CTNNA3: variants seen among roughly 807,000 people sequenced by gnomAD.
The protein encoded by CTNNA3 is catenin alpha-3.
Under a neutral mutation model 95.7 loss-of-function variants are expected in CTNNA3, and 76 were observed. The observed-to-expected ratio is 0.79, with a 90% confidence interval of 0.66 to 0.96. CTNNA3 has a LOEUF of 0.96. CTNNA3 is among the 40% of genes least tolerant of loss of function. The pLI is 0.00. For missense variants in CTNNA3, 1,191 were observed against 1,089.8 expected (o/e 1.09, Z -1.31); for synonymous variants, 431 against 374.4 (o/e 1.15, Z -1.74).
At chr10:66,584,323 T>C (rs972244735) in intron 10 of CTNNA3, among the ~76,000 whole-genome samples, 5 of 151,962 alleles carry the variant, frequency 3.3e-5, no homozygotes, top group Non-Finnish European at 7.4e-5. Context: ...TTTTCTTTTT[T>C]AGACCTGGTA....
intron 3 of CTNNA3, among the ~76,000 whole-genome samples, chr10:67,601,692 T>G (rs1843088731): frequency 6.6e-6 from 1 of 152,196 alleles, no homozygotes; most frequent in South Asian, 2.1e-4. Flanking sequence ...TATACGAATA[T>G]TCTAAAACTA....
intron 7 of CTNNA3, among the ~76,000 whole-genome samples, chr10:67,017,129 G>A (rs1172264624): frequency 6.6e-6 from 1 of 152,138 alleles, no homozygotes; most frequent in Non-Finnish European, 1.5e-5. Context: ...AACAATAACT[G>A]AGCAAACAAT....
chr10:66,687,192 T>C (rs1179220489), intron 9 of CTNNA3, among the ~76,000 whole-genome samples: 1 of 151,872 alleles, frequency 6.6e-6, no homozygotes, highest in Non-Finnish European at 1.5e-5. Flanking sequence ...TATAATAATA[T>C]GGCAAAAAGA....
chr10:66,822,437 T>C (rs1842336970), intron 7 of CTNNA3, among the ~76,000 whole-genome samples: 1 of 152,156 alleles, frequency 6.6e-6, no homozygotes, highest in Non-Finnish European at 1.5e-5. Context: ...TTCTGGATAC[T>C]TTCAGAGGAA....
At chr10:66,482,385 G>A (rs1839567990) in intron 11 of CTNNA3, among the ~76,000 whole-genome samples, 6 of 151,790 alleles carry the variant, frequency 4.0e-5, no homozygotes. Flanking sequence ...GCATTTTACT[G>A]AGGCTTTAAA....
chr10:66,815,851 C>T (rs1402139723), intron 7 of CTNNA3, among the ~76,000 whole-genome samples: 1 of 152,054 alleles, frequency 6.6e-6, no homozygotes, highest in Non-Finnish European at 1.5e-5. Flanking sequence ...TACCAAGGGG[C>T]AATTTCCAGG....
chr10:66,387,669 A>G (rs777491494), intron 11 of CTNNA3, among the ~76,000 whole-genome samples: 23 of 152,214 alleles, frequency 1.5e-4, no homozygotes, highest in Non-Finnish European at 3.1e-4. Flanking sequence ...TGCACTATTC[A>G]CAATAGCAAA....
chr10:66,548,816 T>A (rs1393337255), intron 10 of CTNNA3, among the ~76,000 whole-genome samples: 1 of 152,022 alleles, frequency 6.6e-6, no homozygotes, highest in African/African-American at 2.4e-5. Context: ...TTCTAGTTGG[T>A]CATAACATAT....
At chr10:66,267,852 T>A (rs555107488) in intron 13 of CTNNA3, among the ~76,000 whole-genome samples, 1 of 152,240 alleles carries the variant, frequency 6.6e-6, no homozygotes, top group African/African-American at 2.4e-5. Flanking sequence ...ATATCTTAAA[T>A]TGGCAGCAGC....
chr10:67,597,692 C>G (rs561887556), intron 3 of CTNNA3, among the ~76,000 whole-genome samples: 103 of 152,286 alleles, frequency 6.8e-4, no homozygotes, highest in African/African-American at 2.1e-3. Context: ...AGCCCTTCAT[C>G]AGGGTGGTGT....
chr10:67,615,123 A>G (rs890408480), intron 2 of CTNNA3, among the ~76,000 whole-genome samples: 2 of 152,252 alleles, frequency 1.3e-5, no homozygotes, highest in African/African-American at 4.8e-5. Context: ...AATCCATAAC[A>G]ATCTTTACCA....
intron 7 of CTNNA3, among the ~76,000 whole-genome samples, chr10:66,861,070 A>G (rs1235882352): frequency 6.6e-6 from 1 of 152,172 alleles, no homozygotes; most frequent in Non-Finnish European, 1.5e-5. Flanking sequence ...TCATATACAA[A>G]TGATTCCTTT....
At chr10:66,118,368 T>A (rs1411523646) in intron 13 of CTNNA3, 1 of 152,200 alleles carries the variant, frequency 6.6e-6, no homozygotes, top group Non-Finnish European at 1.5e-5. Context: ...ACTCAAGCTA[T>A]CTCTTGATGA....
At chr10:67,239,421 G>A (rs974378423) in intron 5 of CTNNA3, among the ~76,000 whole-genome samples, 1 of 151,006 alleles carries the variant, frequency 6.6e-6, no homozygotes, top group African/African-American at 2.4e-5. Flanking sequence ...TTCCATCTAT[G>A]TGAAGTTCAT....
At chr10:67,046,575 A>T (rs1854756852) in intron 7 of CTNNA3, among the ~76,000 whole-genome samples, 1 of 152,192 alleles carries the variant, frequency 6.6e-6, no homozygotes, top group Non-Finnish European at 1.5e-5. Context: ...AGAATCAATT[A>T]TTGACATTTT....
At chr10:66,987,576 A>G (rs1333531162) in intron 7 of CTNNA3, among the ~76,000 whole-genome samples, 1 of 152,172 alleles carries the variant, frequency 6.6e-6, no homozygotes, top group Non-Finnish European at 1.5e-5. Flanking sequence ...TTGCCATGAA[A>G]ATTCATCCAG....
chr10:67,695,687 T>C (rs571959529), intron 1 of CTNNA3, among the ~76,000 whole-genome samples: 1 of 152,172 alleles, frequency 6.6e-6, no homozygotes, highest in Non-Finnish European at 1.5e-5. Flanking sequence ...CCAGGCCATA[T>C]CTTATCTTTT....
intron 1 of CTNNA3, among the ~76,000 whole-genome samples, chr10:67,708,778 TAG>T (rs1841091345): frequency 2.0e-5 from 3 of 152,212 alleles, no homozygotes; most frequent in African/African-American, 4.8e-5. Flanking sequence ...TATGTCTCTG[TAG>T]AGTTTTATTG....
chr10:66,018,662 A>G (rs1043180110), intron 15 of CTNNA3, among the ~76,000 whole-genome samples: 3 of 152,144 alleles, frequency 2.0e-5, no homozygotes, highest in East Asian at 1.9e-4. Flanking sequence ...AGAATAATCA[A>G]TTGTTTCTCA....
Sources: allele counts gnomAD v4.1 joint callset (sites outside exome capture counted in the v4.1 genomes callset), GRCh38; gene constraint gnomAD v4.1.1; transcripts MANE v1.5; gene names NCBI Gene and HGNC (gene_info 2026-07-23, HGNC 2026-07-21).